VPS13B: variants seen among roughly 807,000 people sequenced by gnomAD.
VPS13B encodes the protein vacuolar protein sorting 13 homolog B.
VPS13B carries 285 observed loss-of-function variants against 426.4 expected under a neutral mutation model. That is an observed-to-expected ratio of 0.67 (90% CI 0.61 to 0.74). VPS13B has a LOEUF of 0.74. Ranked by LOEUF, VPS13B falls within the 30% of genes least tolerant of loss-of-function variation. The pLI, the probability that VPS13B is intolerant of heterozygous loss-of-function variation, is 0.00. For synonymous variants in VPS13B, 1,676 were observed against 1,676.4 expected (o/e 1.00, Z 0.01); for missense variants, 4,537 against 4,782.6 (o/e 0.95, Z 1.51).
At chr8:99,176,142 GT>G (rs562105422) in intron 16 of VPS13B, among the ~76,000 whole-genome samples, 75 of 143,532 alleles carry the variant, frequency 5.2e-4, no homozygotes, top group African/African-American at 1.5e-3. Context: ...ATAAACTTTT[GT>G]TTTTTTTTTT....
At chr8:99,754,541 A>G (rs1810546900) in intron 39 of VPS13B, among the ~76,000 whole-genome samples, 1 of 152,148 alleles carries the variant, frequency 6.6e-6, no homozygotes, top group Admixed American at 6.6e-5. Flanking sequence ...AATGCTGTCC[A>G]TTTATCCCTA....
At chr8:99,731,615 C>G (rs925930398) in intron 39 of VPS13B, among the ~76,000 whole-genome samples, 1 of 151,914 alleles carries the variant, frequency 6.6e-6, no homozygotes. Context: ...AATAAGAAGA[C>G]CTGGTAAGGG....
rs563725477 is a variant in VPS13B at position 99,690,782 on chromosome 8, G to A, written c.6047-8743G>A. ...AATGCTGAACATCATTAGTAATTAGGGAAATACAAATCAAAATCACAATGG... is the reference window on the plus strand; with the variant it reads ...AATGCTGAACATCATTAGTAATTAGAGAAATACAAATCAAAATCACAATGG... On this transcript the variant is annotated intron_variant, in intron 35 of 61. Coordinates refer to ENST00000357162, the MANE Select transcript of VPS13B (RefSeq NM_152564.5). 7.2e-5 allele frequency among the ~76,000 whole-genome samples: 11 copies of A among 152,106 alleles called. No homozygotes were observed. In the South Asian group the frequency reaches 2.1e-3, roughly 29 times the overall value.
chr8:99,720,909 A>G lies in VPS13B; in HGVS notation c.6912A>G (p.Glu2304=). 6.2e-7 allele frequency: 1 copy of G among 1,613,960 alleles called. No homozygotes were observed. The highest frequency in any genetic ancestry group is 8.5e-7 in the Non-Finnish European group (1 of 1,179,926). Residue 2304 remains glutamate, a synonymous_variant, in exon 39 of 62, where the codon GAA becomes GAG. Transcript: ENST00000357162. ...TCTATGAAGTCTTATTTTATAATGA[A>G]ACTGAAGATTGCCCAGGGATGATGT... ...PGVYEVLFYN[E]TEDCPGMMLW...
chr8:99,494,656 C>T (rs868378939), intron 25 of VPS13B, among the ~76,000 whole-genome samples: 13 of 151,948 alleles, frequency 8.6e-5, no homozygotes, highest in Non-Finnish European at 1.8e-4. Context: ...TTTACTTTTT[C>T]CTTTCCAATT....
At chr8:99,502,607 T>C (rs966935307) in intron 26 of VPS13B, among the ~76,000 whole-genome samples, 13 of 152,186 alleles carry the variant, frequency 8.5e-5, no homozygotes, top group Non-Finnish European at 1.3e-4. Context: ...CCTTGACTGA[T>C]ATCAAATATA....
chr8:99,026,772 A>AT (rs1174135603), intron 2 of VPS13B, among the ~76,000 whole-genome samples: 2 of 152,010 alleles, frequency 1.3e-5, no homozygotes, highest in African/African-American at 4.8e-5. Context: ...ACTCCTATTC[A>AT]TTTTTGGTGG....
At chr8:99,669,902 T>G (rs1830637700) in intron 35 of VPS13B, among the ~76,000 whole-genome samples, 1 of 152,150 alleles carries the variant, frequency 6.6e-6, no homozygotes, top group African/African-American at 2.4e-5. Flanking sequence ...TACTTTAAAA[T>G]AATTCCTAAA....
intron 17 of VPS13B, chr8:99,233,425 A>ATTT (rs1816460582): frequency 8.0e-7 from 1 of 1,250,792 alleles, no homozygotes; most frequent in African/African-American, 1.5e-5. Context: ...CAGCTGTTTG[A>ATTT]TGTGTGCCCC....
At chr8:99,858,231 C>T (rs140620095) in intron 56 of VPS13B, among the ~76,000 whole-genome samples, 97 of 152,352 alleles carry the variant, frequency 6.4e-4, no homozygotes, top group Middle Eastern at 3.4e-3. Flanking sequence ...TCTCCTGGGC[C>T]CTCACTTGCC....
intron 16 of VPS13B, among the ~76,000 whole-genome samples, chr8:99,189,380 G>A (rs1016253047): frequency 2.2e-4 from 34 of 152,126 alleles, no homozygotes; most frequent in African/African-American, 8.0e-4. Context: ...TTACTTCTTC[G>A]TAGCTGCACA....
At position 99,511,275 on chromosome 8, in the gene VPS13B, G is replaced by T. The variant is rs120074151; in HGVS notation, c.4396G>T (p.Glu1466Ter). 26 of 1,613,930 alleles carry T rather than the reference G, an allele frequency of 1.6e-5. No individual in the cohort carries two copies. The highest frequency in any genetic ancestry group is 2.2e-5 in the Non-Finnish European group (26 of 1,179,988). The change falls in exon 29 of 62, where the codon GAA becomes TAA. Residue 1466 changes from glutamate to a stop codon, truncating the protein, a stop_gained. Transcript: ENST00000357162. LOFTEE classifies it high-confidence loss of function. The part of the protein sequence containing the change: ...LMDGSPHFLH[E>*]ILLSAQAFDI... ...GGATGGTTCTCCTCATTTTCTTCAT[G>T]AAATTCTTCTTTCAGCACAAGCTTT...
intron 20 of VPS13B, among the ~76,000 whole-genome samples, chr8:99,386,174 A>G (rs1489060092): frequency 6.6e-6 from 1 of 152,172 alleles, no homozygotes; most frequent in Non-Finnish European, 1.5e-5. Context: ...TTTCCAGTGT[A>G]CCATAGATAT....
chr8:99,326,452 C>CTTTTTTTTTTTTTTTTTTTTTTTTTTTTT lies in VPS13B; in HGVS notation c.2824+51200_2824+51228dup, dbSNP rs747097247. The stretch of plus-strand genomic sequence containing the variant: ...ATTTCTATCTATCATCTCTAGGTAG[C>CTTTTTTTTTTTTTTTTTTTTTTTTTTTTT]TTTTTTTTTTTTTTTTTTTTTTTTT... On this transcript the variant is annotated intron_variant, in intron 19 of 61. Coordinates refer to ENST00000357162, the MANE Select transcript of VPS13B (RefSeq NM_152564.5). Among the ~76,000 whole-genome samples, 26 of 32,524 alleles carry CTTTTTTTTTTTTTTTTTTTTTTTTTTTTT rather than the reference C, an allele frequency of 8.0e-4. 9 individuals carry two copies. Among genetic ancestry groups the CTTTTTTTTTTTTTTTTTTTTTTTTTTTTT allele is most frequent in the African/African-American group, 1.2e-3 (9 of 7,746 alleles). 21.3% of individuals were successfully genotyped at this position (32,524 alleles called of 152,430 possible). A position where few individuals can be genotyped will look rare whatever the true frequency, so the allele number is the denominator to read the frequency against.
intron 19 of VPS13B, among the ~76,000 whole-genome samples, chr8:99,383,485 A>T (rs1282742278): frequency 6.6e-6 from 1 of 152,158 alleles, no homozygotes; most frequent in Non-Finnish European, 1.5e-5. Context: ...ATGAGATGTA[A>T]TTCACTTTCT....
intron 21 of VPS13B, chr8:99,429,732 C>T (rs527870266): frequency 6.6e-6 from 1 of 152,312 alleles, no homozygotes; most frequent in East Asian, 1.9e-4. Flanking sequence ...TCTCTTACAA[C>T]CTGTCTTCCT....
At chr8:99,190,561 A>G (rs1359239600) in intron 16 of VPS13B, among the ~76,000 whole-genome samples, 2 of 151,660 alleles carry the variant, frequency 1.3e-5, no homozygotes, top group African/African-American at 2.4e-5. Flanking sequence ...TGTCTACACT[A>G]TTGCCTTTAT....
intron 35 of VPS13B, among the ~76,000 whole-genome samples, chr8:99,685,840 G>C (rs1315423742): frequency 1.3e-5 from 2 of 152,130 alleles, no homozygotes; most frequent in African/African-American, 4.8e-5. Flanking sequence ...ATCTCTCCAG[G>C]ATTAGTCTCT....
At chr8:99,344,403 G>T (rs1033073500) in intron 19 of VPS13B, among the ~76,000 whole-genome samples, 2 of 152,122 alleles carry the variant, frequency 1.3e-5, no homozygotes, top group Non-Finnish European at 2.9e-5. Context: ...AAAGTATATT[G>T]TTTCCTTATT....
Sources: allele counts gnomAD v4.1 joint callset (sites outside exome capture counted in the v4.1 genomes callset), GRCh38; gene constraint gnomAD v4.1.1; transcripts MANE v1.5; gene names NCBI Gene and HGNC (gene_info 2026-07-23, HGNC 2026-07-21).